SPATS2L: variants seen among roughly 807,000 people sequenced by gnomAD.
The protein encoded by SPATS2L is SPATS2-like protein.
Under a neutral mutation model 59.6 loss-of-function variants are expected in SPATS2L, and 30 were observed. That is an observed-to-expected ratio of 0.50 (90% confidence interval 0.38 to 0.68). SPATS2L has a LOEUF of 0.68. Among genes scored for constraint, SPATS2L ranks in the 30% least tolerant of loss-of-function variants. SPATS2L has a pLI of 0.00. For synonymous variants in SPATS2L, 252 were observed against 263.5 expected (o/e 0.96, Z 0.42); for missense variants, 615 against 700.0 (o/e 0.88, Z 1.37).
chr2:200,420,185 AG>A (rs1480358531), intron 6 of SPATS2L, among the ~76,000 whole-genome samples: 2 of 152,206 alleles, frequency 1.3e-5, no homozygotes, highest in South Asian at 2.1e-4. Flanking sequence ...CATCTACTCT[AG>A]GGTCCCATTT....
At chr2:200,353,936 G>A (rs1036853621) in intron 2 of SPATS2L, among the ~76,000 whole-genome samples, 14 of 152,172 alleles carry the variant, frequency 9.2e-5, no homozygotes, top group African/African-American at 3.4e-4. Context: ...TATTTTGCAT[G>A]GTGGTGTCCA....
At chr2:200,461,660 T>C (rs1354991724) in intron 9 of SPATS2L, among the ~76,000 whole-genome samples, 1 of 152,240 alleles carries the variant, frequency 6.6e-6, no homozygotes, top group Non-Finnish European at 1.5e-5. Context: ...ATTGGATAAA[T>C]GGCAGTCTGT....
At chr2:200,388,879 A>G (rs759523237) in intron 2 of SPATS2L, among the ~76,000 whole-genome samples, 2 of 152,162 alleles carry the variant, frequency 1.3e-5, no homozygotes, top group Non-Finnish European at 2.9e-5. Context: ...GACTGTGATG[A>G]CAATACTTAG....
chr2:200,448,210 G>A (rs1378350193), intron 8 of SPATS2L, among the ~76,000 whole-genome samples: 1 of 152,174 alleles, frequency 6.6e-6, no homozygotes, highest in Admixed American at 6.5e-5. Context: ...GGGAGGCTGA[G>A]GTGGGTAGAT....
intron 1 of SPATS2L, 146 bp downstream of exon 1, chr2:200,307,068 C>G (rs2079042166): frequency 3.0e-6 from 2 of 661,664 alleles, no homozygotes; most frequent in South Asian, 6.7e-5. Flanking sequence ...CCTCCCGGAG[C>G]GCTGGGTGTG....
chr2:200,414,339 T>C (rs919939998), intron 4 of SPATS2L, among the ~76,000 whole-genome samples: 34 of 152,270 alleles, frequency 2.2e-4, no homozygotes, highest in African/African-American at 8.2e-4. Flanking sequence ...GAAAACTTGA[T>C]TTAAAAATAC....
chr2:200,316,984 T>G (rs749750988), intron 1 of SPATS2L, among the ~76,000 whole-genome samples: 19 of 152,266 alleles, frequency 1.2e-4, no homozygotes, highest in Non-Finnish European at 2.4e-4. Context: ...AAGACAGATA[T>G]AGGGCTGATT....
intron 3 of SPATS2L, among the ~76,000 whole-genome samples, chr2:200,403,499 A>G (rs1470891961): frequency 6.6e-6 from 1 of 152,164 alleles, no homozygotes; most frequent in Admixed American, 6.5e-5. Context: ...TTCTCTGAGC[A>G]TGTCCTTATC....
At chr2:200,366,056 TCA>T (rs1200688089) in intron 2 of SPATS2L, among the ~76,000 whole-genome samples, 6 of 152,336 alleles carry the variant, frequency 3.9e-5, no homozygotes, top group African/African-American at 1.2e-4. Flanking sequence ...CCATACAGCC[TCA>T]GTTTCCTCAT....
At chr2:200,407,063 A>G (rs1387965914) in intron 3 of SPATS2L, among the ~76,000 whole-genome samples, 1 of 152,190 alleles carries the variant, frequency 6.6e-6, no homozygotes. Context: ...TTTCCACTTC[A>G]AAGCCACACC....
rs1288793742 is a variant in SPATS2L, at chr2:200,477,817, A to G, written c.1463A>G (p.Lys488Arg). 7 of 1,576,316 alleles carry G rather than the reference A, an allele frequency of 4.4e-6. 1 individual carries two copies. Among genetic ancestry groups the G allele is most frequent in the South Asian group, 1.2e-5 (1 of 86,416 alleles). ...GFRPKNKGGA[K>R]NQEASLGMKT... ...CGGCCCAAAAACAAAGGCGGTGCCAAAAATCAAGAGGCTTCCTTGGGGATG... is the reference window on the plus strand; with the variant it reads ...CGGCCCAAAAACAAAGGCGGTGCCAGAAATCAAGAGGCTTCCTTGGGGATG... The change falls in exon 13 of 13, where the codon AAA becomes AGA. Residue 488 changes from lysine to arginine, a missense_variant. Transcript: ENST00000409140.
At chr2:200,414,784 T>A (rs2083000160) in intron 4 of SPATS2L, among the ~76,000 whole-genome samples, 1 of 152,158 alleles carries the variant, frequency 6.6e-6, no homozygotes, top group South Asian at 2.1e-4. Context: ...TAATAACAGT[T>A]TCAAAATCCT....
chr2:200,308,803 A>G, intron 1 of SPATS2L: 2 of 431,932 alleles, frequency 4.6e-6, no homozygotes, highest in Non-Finnish European at 8.1e-6. Flanking sequence ...ATATTAAATG[A>G]TTTTCTAAGA....
chr2:200,410,672 A>G (rs1259748560), intron 3 of SPATS2L, among the ~76,000 whole-genome samples: 3 of 151,174 alleles, frequency 2.0e-5, no homozygotes, highest in Non-Finnish European at 4.4e-5. Context: ...CTTCTCACTC[A>G]TCCTCCATCC....
rs565792939 is a variant in SPATS2L at position 200,445,184 on chromosome 2, G to T, written c.788+4400G>T. 3.9e-5 allele frequency among the ~76,000 whole-genome samples: 6 copies of T among 152,088 alleles called. No homozygotes were observed. The East Asian group carries it at 1.2e-3, about 29-fold the overall frequency. ...AAAAATCAGCTAGGTGTGATGGTTC[G>T]TCTGTAGTTCCAGCTACTCGGGAGG... On this transcript the variant is annotated intron_variant, in intron 8 of 12. Transcript: ENST00000409140.
intron 8 of SPATS2L, among the ~76,000 whole-genome samples, chr2:200,452,510 A>ATTT (rs1167264503): frequency 6.6e-6 from 1 of 152,234 alleles, no homozygotes; most frequent in African/African-American, 2.4e-5. Flanking sequence ...ATGATGAACA[A>ATTT]TTTATTAACC....
intron 3 of SPATS2L, among the ~76,000 whole-genome samples, chr2:200,391,973 G>A (rs966803428): frequency 6.6e-6 from 1 of 152,030 alleles, no homozygotes; most frequent in Non-Finnish European, 1.5e-5. Flanking sequence ...CTTAAAAATC[G>A]ATGCAAAATT....
intron 2 of SPATS2L, among the ~76,000 whole-genome samples, chr2:200,338,561 G>T: frequency 6.6e-6 from 1 of 152,164 alleles, no homozygotes; most frequent in Non-Finnish European, 1.5e-5. Flanking sequence ...AAGCCCAGTG[G>T]TATAGAAGGA....
intron 3 of SPATS2L, among the ~76,000 whole-genome samples, chr2:200,394,031 C>G (rs527954448): frequency 6.6e-6 from 1 of 152,272 alleles, no homozygotes; most frequent in South Asian, 2.1e-4. Context: ...AAGCAGGTAG[C>G]TAATGATTTC....
Sources: allele counts gnomAD v4.1 joint callset (sites outside exome capture counted in the v4.1 genomes callset), GRCh38; gene constraint gnomAD v4.1.1; transcripts MANE v1.5; gene names NCBI Gene and HGNC (gene_info 2026-07-23, HGNC 2026-07-21).